Variants in MAN1C1 observed in about 807,000 individuals in gnomAD.
MAN1C1 encodes mannosidase alpha class 1C member 1, also known as mannosyl-oligosaccharide 1,2-alpha-mannosidase IC.
MAN1C1 carries 49 observed loss-of-function variants against 71.5 expected under a neutral mutation model. The ratio of observed to expected loss-of-function variants is 0.69; its 90% CI spans 0.54 to 0.87. The LOEUF is 0.87. Among genes scored for constraint, MAN1C1 ranks in the 40% least tolerant of loss-of-function variants. The pLI, the probability that MAN1C1 is intolerant of heterozygous loss-of-function variation, is 0.00. For synonymous variants in MAN1C1, 352 were observed against 343.7 expected (o/e 1.02, Z -0.27); for missense variants, 743 against 835.0 (o/e 0.89, Z 1.36).
rs1258172652 is a variant in MAN1C1, at chr1:25,769,447, C to T, written c.1142-2210C>T. Among the ~76,000 whole-genome samples the T allele has an allele frequency of 3.9e-5, 6 of 152,108 alleles. No homozygotes were observed. Among genetic ancestry groups the T allele is most frequent in the Admixed American group, 3.9e-4 (6 of 15,268 alleles). ...GTGGGACTTTCACATGTGAGATGCC[C>T]ACATAAGTGCCCCTGAGAGGCAGCT... On this transcript the variant is annotated intron_variant, in intron 7 of 11. Transcript: ENST00000374332. The surrounding 1 kb of genome is among the most constrained non-coding windows in gnomAD (Gnocchi z 4.8).
At position 25,753,580 on chromosome 1, in the gene MAN1C1, T is replaced by A; in HGVS notation, c.929+2T>A. 6.2e-7 allele frequency: 1 copy of A among 1,612,902 alleles called. No individual in the cohort carries two copies. The highest frequency in any genetic ancestry group is 8.5e-7 in the Non-Finnish European group (1 of 1,179,376). ...AAAGGGCGTGGTGAGCTTCAAAAGGTAGGGCGCCATCGCGTTCCCCACTGG... is the reference window on the plus strand; with the variant it reads ...AAAGGGCGTGGTGAGCTTCAAAAGGAAGGGCGCCATCGCGTTCCCCACTGG... On this transcript the variant is annotated splice_donor_variant, in intron 5 of 11. Transcript: ENST00000374332. LOFTEE classifies it high-confidence loss of function. This position sits in a 1 kb window ranked among gnomAD's most constrained non-coding sequence, Gnocchi z 4.9.
Position 25,660,582 on chromosome 1 carries a change from C to T in MAN1C1, c.541-25858C>T, listed in dbSNP as rs191465221. On this transcript the variant is annotated intron_variant, in intron 1 of 11. Transcript: ENST00000374332. ...TAATTTTTTGTATTTTTAGTAGAGA[C>T]GGGGTTTCACCGCATTAGCCCAGGA... 6.6e-4 allele frequency among the ~76,000 whole-genome samples: 98 copies of T among 148,002 alleles called. No homozygotes were observed. The East Asian group carries it at 8.5e-3, about 13-fold the overall frequency.
At position 25,783,938 on chromosome 1, in the gene MAN1C1, T is replaced by A; in HGVS notation, c.*149T>A. 2 of 1,060,484 alleles carry A rather than the reference T, an allele frequency of 1.9e-6. No individual in the cohort carries two copies. Among genetic ancestry groups the A allele is most frequent in the Non-Finnish European group, 2.7e-6 (2 of 753,284 alleles). 65.7% of individuals were successfully genotyped at this position (1,060,484 alleles called of 1,614,324 possible). A position where few individuals can be genotyped will look rare whatever the true frequency, so the allele number is the denominator to read the frequency against. On this transcript the variant is annotated 3_prime_UTR_variant, in exon 12 of 12. Coordinates refer to ENST00000374332, the MANE Select transcript of MAN1C1 (RefSeq NM_020379.4). ...CGGACAAGCAACTTCTTTTCCTCTG[T>A]GAGGAGACAAGACTTGGAGACTCAG...
At chr1:25,708,078 A>T (rs2046550084) in intron 2 of MAN1C1, among the ~76,000 whole-genome samples, 1 of 152,254 alleles carries the variant, frequency 6.6e-6, no homozygotes, top group African/African-American at 2.4e-5. Context: ...GAGTCCATAA[A>T]GTGAAAGTAA....
chr1:25,700,091 A>T (rs923570593), intron 2 of MAN1C1, among the ~76,000 whole-genome samples: 1 of 152,198 alleles, frequency 6.6e-6, no homozygotes, highest in African/African-American at 2.4e-5. Context: ...TTTTCATCAA[A>T]GTCTGAAAGG....
intron 2 of MAN1C1, among the ~76,000 whole-genome samples, chr1:25,696,967 T>G (rs2046378617): frequency 6.6e-6 from 1 of 152,204 alleles, no homozygotes; most frequent in African/African-American, 2.4e-5. Context: ...TATTCTGACT[T>G]CTATCACCAT....
At chr1:25,626,334 T>G (rs1374673945) in intron 1 of MAN1C1, among the ~76,000 whole-genome samples, 1 of 152,132 alleles carries the variant, frequency 6.6e-6, no homozygotes, top group African/African-American at 2.4e-5. Flanking sequence ...GTCCTTTTCA[T>G]GTGTTTATTT....
In MAN1C1 at chr1:25,778,159, G is replaced by C; in HGVS notation, c.1312G>C (p.Glu438Gln). ...VSPGGLTYIA[E>Q]WRGGILDHKM... The stretch of plus-strand genomic sequence containing the variant: ...TCCCGGGGGGCTGACCTACATTGCC[G>C]AGTGGCGAGGGGGGATTCTGGACCA... Residue 438 changes from glutamate to glutamine, a missense_variant, in exon 9 of 12, where the codon GAG (glutamate) becomes CAG (glutamine). By Grantham distance (29) the Glu-to-Gln change is conservative. Coordinates refer to ENST00000374332, the MANE Select transcript of MAN1C1 (RefSeq NM_020379.4). This position sits in a 1 kb window ranked among gnomAD's most constrained non-coding sequence, Gnocchi z 5.5. 1 of 1,605,700 alleles carries C rather than the reference G, an allele frequency of 6.2e-7. No homozygotes were observed. Among genetic ancestry groups the C allele is most frequent in the East Asian group, 2.2e-5 (1 of 44,664 alleles).
chr1:25,678,934 C>T (rs2046106438), intron 1 of MAN1C1, among the ~76,000 whole-genome samples: 1 of 151,976 alleles, frequency 6.6e-6, no homozygotes, highest in African/African-American at 2.4e-5. Flanking sequence ...TTCTGCTTTT[C>T]TTCAGCGAGC....
intron 1 of MAN1C1, among the ~76,000 whole-genome samples, chr1:25,627,159 AT>A (rs1337494322): frequency 2.6e-5 from 4 of 152,218 alleles, no homozygotes; most frequent in African/African-American, 4.8e-5. Context: ...AATTGCTTTG[AT>A]GCCTTCGCTG....
chr1:25,619,824 ACAGTGGCT>A (rs1265013779), intron 1 of MAN1C1, among the ~76,000 whole-genome samples: 1 of 152,218 alleles, frequency 6.6e-6, no homozygotes, highest in Non-Finnish European at 1.5e-5. Flanking sequence ...GCTTCTGAGC[ACAGTGGCT>A]CTTTTTGCCC....
rs935791053 is a variant in MAN1C1, at chr1:25,769,468, C to A, written c.1142-2189C>A. ...TGCCCACATAAGTGCCCCTGAGAGGCAGCTGCATCTCAACACCGCGGACCC... is the reference window on the plus strand; with the variant it reads ...TGCCCACATAAGTGCCCCTGAGAGGAAGCTGCATCTCAACACCGCGGACCC... On this transcript the variant is annotated intron_variant, in intron 7 of 11. Transcript: ENST00000374332. This position sits in a 1 kb window ranked among gnomAD's most constrained non-coding sequence, Gnocchi z 4.8. Among the ~76,000 whole-genome samples, 5 of 152,140 alleles carry A rather than the reference C, an allele frequency of 3.3e-5. No individual in the cohort carries two copies. The highest frequency in any genetic ancestry group is 5.9e-5 in the Non-Finnish European group (4 of 68,010).
At chr1:25,680,445 A>G (rs1398750595) in intron 1 of MAN1C1, among the ~76,000 whole-genome samples, 2 of 152,120 alleles carry the variant, frequency 1.3e-5, no homozygotes, top group African/African-American at 4.8e-5. Context: ...AAAAGACCCC[A>G]TGCCCATGAA....
intron 2 of MAN1C1, 120 bp downstream of exon 2, chr1:25,686,656 T>A (rs1341908470): frequency 2.6e-6 from 2 of 767,152 alleles, no homozygotes; most frequent in Admixed American, 4.7e-5. Flanking sequence ...GTTCTCCAGA[T>A]CTGGGGCCTT....
intron 2 of MAN1C1, among the ~76,000 whole-genome samples, chr1:25,694,444 A>G (rs2046345246): frequency 6.6e-6 from 1 of 152,186 alleles, no homozygotes; most frequent in Admixed American, 6.5e-5. Flanking sequence ...GGGATGATTT[A>G]TGGCCTTGGG....
chr1:25,693,178 CTT>C (rs1357352653), intron 2 of MAN1C1, among the ~76,000 whole-genome samples: 1 of 152,110 alleles, frequency 6.6e-6, no homozygotes, highest in Non-Finnish European at 1.5e-5. Flanking sequence ...AAAATTAAAT[CTT>C]ATTAAGAAAA....
chr1:25,767,618 ACTCCC>A (rs2047455090), intron 7 of MAN1C1, among the ~76,000 whole-genome samples: 19 of 60,910 alleles, frequency 3.1e-4, no homozygotes, highest in East Asian at 2.2e-3. Flanking sequence ...ATACATCCAC[ACTCCC>A]CTCACACACA....
At position 25,753,393 on chromosome 1, in the gene MAN1C1, C is replaced by A; in HGVS notation, c.835-91C>A. On this transcript the variant is annotated intron_variant, in intron 4 of 11. Transcript: ENST00000374332. This position sits in a 1 kb window ranked among gnomAD's most constrained non-coding sequence, Gnocchi z 4.9. ...TGCCCCCTACTCTAGACCTGCAGCC[C>A]TGGGGGGTTCATCCTGCCTGCAGCA... 1.1e-6 allele frequency: 1 copy of A among 922,712 alleles called. No homozygotes were observed. Among genetic ancestry groups the A allele is most frequent in the East Asian group, 2.7e-5 (1 of 37,010 alleles). The allele number at this position is 922,712 out of a possible 1,614,324, so 57.2% of individuals were successfully genotyped here.
chr1:25,768,573 CA>C (rs149998216), intron 7 of MAN1C1, among the ~76,000 whole-genome samples: 5,854 of 23,104 alleles, frequency 0.25, 1,804 homozygotes, highest in Middle Eastern at 0.7. Flanking sequence ...ACACTCCCCC[CA>C]CACACAGACC....
Sources: allele counts gnomAD v4.1 joint callset (sites outside exome capture counted in the v4.1 genomes callset), GRCh38; gene constraint gnomAD v4.1.1; non-coding constraint Gnocchi (gnomAD v3.1); transcripts MANE v1.5; gene names NCBI Gene and HGNC (gene_info 2026-07-23, HGNC 2026-07-21).